NEGR1: variants seen among roughly 807,000 people sequenced by gnomAD.
The protein encoded by NEGR1 is neuronal growth regulator 1, also known as IgLON family member 4.
NEGR1 carries 10 observed loss-of-function variants against 40.9 expected under a neutral mutation model. The observed-to-expected ratio is 0.24, with a 90% confidence interval of 0.15 to 0.42. NEGR1 has a LOEUF of 0.42. NEGR1 is among the 10% of genes least tolerant of loss of function. The probability of loss-of-function intolerance (pLI) is 1.00; values close to 1 mark genes in which losing one functional copy is unlikely to be tolerated. For synonymous variants in NEGR1, 185 were observed against 166.8 expected (o/e 1.11, Z -0.84); for missense variants, 352 against 438.9 (o/e 0.80, Z 1.77).
chr1:71,732,778 C>A (rs1212111719), intron 3 of NEGR1, among the ~76,000 whole-genome samples: 20 of 152,130 alleles, frequency 1.3e-4, no homozygotes, highest in Non-Finnish European at 7.4e-5. Flanking sequence ...AAATACAGAG[C>A]AAATCAGAGA....
intron 2 of NEGR1, among the ~76,000 whole-genome samples, chr1:71,801,933 A>G (rs773053480): frequency 6.6e-6 from 1 of 152,208 alleles, no homozygotes; most frequent in Non-Finnish European, 1.5e-5. Flanking sequence ...CCATAATGTT[A>G]GTAGAAATAT....
At chr1:71,706,353 G>T (rs993238750) in intron 3 of NEGR1, among the ~76,000 whole-genome samples, 5 of 152,096 alleles carry the variant, frequency 3.3e-5, no homozygotes, top group African/African-American at 1.2e-4. Context: ...CAGACCCCAT[G>T]ACTAAGGGCC....
chr1:71,697,475 T>G (rs1157277851), intron 4 of NEGR1, among the ~76,000 whole-genome samples: 1 of 151,790 alleles, frequency 6.6e-6, no homozygotes, highest in Admixed American at 6.6e-5. Context: ...TCTGCAGGTA[T>G]CCAATTTATA....
intron 1 of NEGR1, among the ~76,000 whole-genome samples, chr1:72,196,750 G>T (rs375131319): frequency 1.4e-5 from 2 of 140,648 alleles, no homozygotes; most frequent in African/African-American, 2.8e-5. Context: ...GGAGTGCAAA[G>T]AGAGACTCCA....
chr1:71,881,764 A>G (rs1006357276), intron 2 of NEGR1, among the ~76,000 whole-genome samples: 4 of 152,056 alleles, frequency 2.6e-5, no homozygotes, highest in Non-Finnish European at 4.4e-5. Context: ...TGAGTTTCCA[A>G]CTGAATTATT....
Position 71,885,641 on chromosome 1 carries a change from A to G in NEGR1, c.409+49438T>C, listed in dbSNP as rs900082555. ...TAATAACCTTGGAAAATGGTTGACA[A>G]GTCATTGATTAATCACATTGAACAA... On this transcript the variant is annotated intron_variant, in intron 2 of 6. Transcript: ENST00000357731. Among the ~76,000 whole-genome samples, 6 of 152,216 alleles carry G rather than the reference A, an allele frequency of 3.9e-5. 1 individual carries two copies. Among genetic ancestry groups the G allele is most frequent in the African/African-American group, 1.4e-4 (6 of 41,466 alleles).
intron 6 of NEGR1, among the ~76,000 whole-genome samples, chr1:71,423,507 T>C (rs1038468367): frequency 4.6e-5 from 7 of 152,316 alleles, no homozygotes; most frequent in South Asian, 2.1e-4. Flanking sequence ...AGATACTAAT[T>C]AGAGACAAAT....
intron 1 of NEGR1, among the ~76,000 whole-genome samples, chr1:72,091,358 C>A: frequency 8.0e-6 from 1 of 125,472 alleles, no homozygotes; most frequent in African/African-American, 3.0e-5. Context: ...CAGTTTCCCT[C>A]CCTCCCTCCC....
intron 1 of NEGR1, among the ~76,000 whole-genome samples, chr1:72,089,007 C>T (rs1648346808): frequency 6.6e-6 from 1 of 151,750 alleles, no homozygotes; most frequent in Admixed American, 6.6e-5. Flanking sequence ...AATGCTTTAC[C>T]AAGAAGCAGT....
intron 2 of NEGR1, among the ~76,000 whole-genome samples, chr1:71,872,473 G>T (rs528616521): frequency 1.3e-5 from 2 of 152,210 alleles, no homozygotes; most frequent in East Asian, 3.9e-4. Flanking sequence ...CAGAAGTGAT[G>T]TGTGCCACTC....
intron 2 of NEGR1, among the ~76,000 whole-genome samples, chr1:71,917,940 T>G (rs1360445042): frequency 6.9e-6 from 1 of 145,718 alleles, no homozygotes; most frequent in Non-Finnish European, 1.5e-5. Flanking sequence ...ACATCATGCC[T>G]GGCGTGGTGG....
At chr1:72,144,768 A>C (rs1445459596) in intron 1 of NEGR1, among the ~76,000 whole-genome samples, 1 of 152,036 alleles carries the variant, frequency 6.6e-6, no homozygotes, top group Non-Finnish European at 1.5e-5. Context: ...CAAAGGGAGA[A>C]ATCTGTCTTC....
At chr1:72,171,524 G>A (rs1651964185) in intron 1 of NEGR1, among the ~76,000 whole-genome samples, 3 of 152,152 alleles carry the variant, frequency 2.0e-5, no homozygotes, top group African/African-American at 2.4e-5. Context: ...AAGGGCTTTT[G>A]AAGTTTAGTC....
At chr1:72,093,331 A>G (rs560128169) in intron 1 of NEGR1, among the ~76,000 whole-genome samples, 3 of 149,954 alleles carry the variant, frequency 2.0e-5, no homozygotes, top group Admixed American at 1.3e-4. Context: ...CTCTGCCTCA[A>G]AAAAAAAAAA....
At chr1:71,868,436 A>AAGATAGATAGAT (rs59923029) in intron 2 of NEGR1, among the ~76,000 whole-genome samples, 2,338 of 149,736 alleles carry the variant, frequency 0.016, 44 homozygotes, top group South Asian at 0.049. Context: ...TAGATGATAG[A>AAGATAGATAGAT]AGATAGATAG....
intron 1 of NEGR1, among the ~76,000 whole-genome samples, chr1:72,072,915 C>A (rs1647533532): frequency 6.6e-6 from 1 of 152,070 alleles, no homozygotes; most frequent in African/African-American, 2.4e-5. Flanking sequence ...TCTTGTACTA[C>A]TTTATGAAGA....
chr1:71,638,147 T>C lies in NEGR1; in HGVS notation c.668-27001A>G, dbSNP rs139860873. Among the ~76,000 whole-genome samples, 433 of 152,160 alleles carry C rather than the reference T, an allele frequency of 2.8e-3. 3 individuals are homozygous for C. Among genetic ancestry groups the C allele is most frequent in the African/African-American group, 0.01 (419 of 41,536 alleles). On this transcript the variant is annotated intron_variant, in intron 4 of 6. Transcript: ENST00000357731. ...GATTATTCCACAAGCACTTTAAACA[T>C]GGCTATCTCTGCTCAATTAATCTTA...
chr1:72,276,607 A>T lies in NEGR1; in HGVS notation c.176+5712T>A, dbSNP rs569414207. 3.3e-5 allele frequency among the ~76,000 whole-genome samples: 5 copies of T among 152,302 alleles called. No homozygotes were observed. The South Asian group carries it at 1.0e-3, about 32-fold the overall frequency. On this transcript the variant is annotated intron_variant, in intron 1 of 6. Transcript: ENST00000357731. ...TATTAACATAATCTGTGTATGGATT[A>T]TAAAGCCTCTTCTTTTTTCTTTGTA...
chr1:71,935,790 T>C (rs1456664323), intron 1 of NEGR1, among the ~76,000 whole-genome samples: 2 of 152,138 alleles, frequency 1.3e-5, no homozygotes, highest in Admixed American at 6.5e-5. Flanking sequence ...GGTTTATTTA[T>C]TTATTTATTT....
Sources: gnomAD v4.1 joint callset for allele counts (sites outside exome capture counted in the v4.1 genomes callset) on GRCh38, gnomAD v4.1.1 for gene constraint, MANE v1.5 for transcripts, NCBI Gene and HGNC (gene_info 2026-07-23, HGNC 2026-07-21) for gene names.